The following SPAG16 variants were observed in gnomAD, a reference collection of about 807,000 sequenced individuals.
The protein encoded by SPAG16 is sperm associated antigen 16.
A neutral mutation model predicts 80.4 loss-of-function variants in SPAG16; 86 were observed. The ratio of observed to expected loss-of-function variants is 1.07; its 90% CI spans 0.90 to 1.28. The LOEUF is 1.28. Ranked by LOEUF, SPAG16 falls within the 50% of genes most tolerant of loss-of-function variation. SPAG16 has a pLI of 0.00. For missense variants in SPAG16, 870 were observed against 765.3 expected, an observed-to-expected ratio of 1.14 and a Z score of -1.61; for synonymous variants, 294 against 265.9, an observed-to-expected ratio of 1.11 and a Z score of -1.03.
At chr2:213,977,070 GC>G (rs1188242420) in intron 12 of SPAG16, among the ~76,000 whole-genome samples, 1 of 151,990 alleles carries the variant, frequency 6.6e-6, no homozygotes, top group African/African-American at 2.4e-5. Flanking sequence ...AAAGTGATAT[GC>G]CCTCTCTTTT....
intron 15 of SPAG16, among the ~76,000 whole-genome samples, chr2:214,218,019 T>C (rs2058475773): frequency 6.6e-6 from 1 of 152,204 alleles, no homozygotes; most frequent in Non-Finnish European, 1.5e-5. Flanking sequence ...TTTTTTTCAA[T>C]ATGTATAATA....
intron 12 of SPAG16, among the ~76,000 whole-genome samples, chr2:213,992,249 T>A (rs965748701): frequency 3.5e-4 from 54 of 152,284 alleles, no homozygotes; most frequent in Non-Finnish European, 6.5e-4. Flanking sequence ...TACCGAGAAT[T>A]GTTTAGCGTT....
At chr2:213,880,966 C>T (rs1458052610) in intron 11 of SPAG16, among the ~76,000 whole-genome samples, 10 of 152,092 alleles carry the variant, frequency 6.6e-5, no homozygotes, top group Admixed American at 3.3e-4. Flanking sequence ...TTTTTGGTTC[C>T]GCATGAATTT....
At chr2:214,263,968 C>T (rs1691362371) in intron 15 of SPAG16, among the ~76,000 whole-genome samples, 1 of 152,116 alleles carries the variant, frequency 6.6e-6, no homozygotes, top group Non-Finnish European at 1.5e-5. Context: ...AGATCTATGA[C>T]AATTTATTAG....
At chr2:214,404,271 AG>A (rs1701870856) in intron 15 of SPAG16, among the ~76,000 whole-genome samples, 2 of 152,340 alleles carry the variant, frequency 1.3e-5, no homozygotes, top group South Asian at 4.1e-4. Context: ...TAGGTGCCAA[AG>A]ATCTGATTTC....
chr2:213,862,967 T>C (rs986130129), intron 11 of SPAG16, among the ~76,000 whole-genome samples: 8 of 152,190 alleles, frequency 5.3e-5, no homozygotes, highest in Non-Finnish European at 1.2e-4. Context: ...AATTTACCTT[T>C]GTTAATCTTT....
chr2:214,006,104 A>T (rs996671880), intron 12 of SPAG16, among the ~76,000 whole-genome samples: 1 of 151,976 alleles, frequency 6.6e-6, no homozygotes, highest in Non-Finnish European at 1.5e-5. Flanking sequence ...GAAAACACGG[A>T]TAGATATTTT....
intron 9 of SPAG16, among the ~76,000 whole-genome samples, chr2:213,426,322 T>G (rs1008023869): frequency 6.6e-6 from 1 of 151,998 alleles, no homozygotes; most frequent in African/African-American, 2.4e-5. Flanking sequence ...GATTTTTTTG[T>G]ATTTTTATAA....
At chr2:214,287,057 G>A (rs963283263) in intron 15 of SPAG16, among the ~76,000 whole-genome samples, 5 of 152,092 alleles carry the variant, frequency 3.3e-5, no homozygotes, top group African/African-American at 9.7e-5. Context: ...ATTTATTTTG[G>A]TATAAGATTC....
chr2:213,371,162 T>A (rs940585598), intron 8 of SPAG16, among the ~76,000 whole-genome samples: 1 of 151,936 alleles, frequency 6.6e-6, no homozygotes, highest in African/African-American at 2.4e-5. Context: ...TAATCCCGGC[T>A]CTTTGGGAAG....
chr2:214,108,089 C>A (rs1189911951), intron 13 of SPAG16, 107 bp from the exon 14 acceptor site: 3 of 756,588 alleles, frequency 4.0e-6, no homozygotes, highest in African/African-American at 1.8e-5. Flanking sequence ...TGTATTAATT[C>A]TGGGAGGAGG....
chr2:214,395,823 G>A (rs1203937367), intron 15 of SPAG16, among the ~76,000 whole-genome samples: 2 of 152,018 alleles, frequency 1.3e-5, no homozygotes, highest in Admixed American at 6.6e-5. Context: ...TAAGATAATG[G>A]CCTCCAGCTC....
chr2:213,418,088 G>GGTC (rs1186646649), intron 9 of SPAG16, among the ~76,000 whole-genome samples: 1 of 152,078 alleles, frequency 6.6e-6, no homozygotes, highest in Non-Finnish European at 1.5e-5. Context: ...GGTCAGGCTG[G>GGTC]TCTTGAACTC....
At chr2:213,711,783 G>T (rs1039013205) in intron 10 of SPAG16, among the ~76,000 whole-genome samples, 1 of 151,966 alleles carries the variant, frequency 6.6e-6, no homozygotes, top group East Asian at 1.9e-4. Flanking sequence ...GCCTCCCAAA[G>T]TGCTGGGATT....
intron 11 of SPAG16, among the ~76,000 whole-genome samples, chr2:213,865,541 A>T (rs2075648491): frequency 6.6e-6 from 1 of 151,406 alleles, no homozygotes; most frequent in Admixed American, 6.6e-5. Flanking sequence ...TGGATTATGA[A>T]TTCAAATTGA....
chr2:213,828,461 A>G (rs996553083), intron 10 of SPAG16, among the ~76,000 whole-genome samples: 11 of 152,110 alleles, frequency 7.2e-5, no homozygotes, highest in African/African-American at 2.4e-4. Flanking sequence ...TTTCATCACA[A>G]CTATTTTGAA....
At chr2:214,064,269 A>G (rs2050425332) in intron 13 of SPAG16, among the ~76,000 whole-genome samples, 1 of 152,112 alleles carries the variant, frequency 6.6e-6, no homozygotes, top group Admixed American at 6.6e-5. Flanking sequence ...ACACTTTCAT[A>G]GTTTTTAATT....
intron 10 of SPAG16, among the ~76,000 whole-genome samples, chr2:213,815,919 T>C (rs1239893812): frequency 1.3e-5 from 2 of 152,146 alleles, no homozygotes; most frequent in East Asian, 3.8e-4. Flanking sequence ...AAAATATACT[T>C]AGTTGGACTG....
At chr2:213,739,177 G>A (rs1338148340) in intron 10 of SPAG16, among the ~76,000 whole-genome samples, 1 of 152,102 alleles carries the variant, frequency 6.6e-6, no homozygotes, top group Non-Finnish European at 1.5e-5. Flanking sequence ...GAAGAGTTCT[G>A]ATTTCAGATT....
Sources: gnomAD v4.1 joint callset for allele counts (sites outside exome capture counted in the v4.1 genomes callset) on GRCh38, gnomAD v4.1.1 for gene constraint, MANE v1.5 for transcripts, NCBI Gene and HGNC (gene_info 2026-07-23, HGNC 2026-07-21) for gene names.